ASTN2: variants seen among roughly 807,000 people sequenced by gnomAD.
ASTN2 encodes the protein astrotactin-2.
In ASTN2, 54 loss-of-function variants were observed where a neutral mutation model predicts 139.8. The ratio of observed to expected loss-of-function variants is 0.39; its 90% confidence interval spans 0.31 to 0.48. The LOEUF (loss-of-function observed/expected upper bound fraction) is 0.48. ASTN2 is among the 20% of genes least tolerant of loss of function. The probability of loss-of-function intolerance (pLI) is 0.95; values close to 1 mark genes in which losing one functional copy is unlikely to be tolerated. For missense variants in ASTN2, 1,565 were observed against 1,725.1 expected (o/e 0.91, Z 1.64); for synonymous variants, 756 against 719.5 (o/e 1.05, Z -0.81).
intron 7 of ASTN2, among the ~76,000 whole-genome samples, chr9:116,997,633 C>T (rs1348391033): frequency 6.6e-6 from 1 of 152,182 alleles, no homozygotes; most frequent in African/African-American, 2.4e-5. Flanking sequence ...CTCCTTAAAA[C>T]AGTAGCTTGG....
chr9:116,842,991 C>T (rs904875687), intron 11 of ASTN2, among the ~76,000 whole-genome samples: 2 of 152,120 alleles, frequency 1.3e-5, no homozygotes, highest in Non-Finnish European at 2.9e-5. Flanking sequence ...AGGGTCCAAC[C>T]CTCAGTATCT....
chr9:117,318,951 T>A (rs1487850262), intron 1 of ASTN2, among the ~76,000 whole-genome samples: 1 of 152,202 alleles, frequency 6.6e-6, no homozygotes, highest in Non-Finnish European at 1.5e-5. Flanking sequence ...GAGTTTCAAC[T>A]AGTCACTGCG....
At chr9:117,047,339 T>C (rs1050413571) in intron 5 of ASTN2, among the ~76,000 whole-genome samples, 2 of 152,152 alleles carry the variant, frequency 1.3e-5, no homozygotes, top group African/African-American at 4.8e-5. Flanking sequence ...CACACCTTGG[T>C]CCTTGTCTCT....
At chr9:116,990,167 A>G (rs1476683475) in intron 7 of ASTN2, among the ~76,000 whole-genome samples, 1 of 152,196 alleles carries the variant, frequency 6.6e-6, no homozygotes, top group African/African-American at 2.4e-5. Flanking sequence ...TTCAATATGA[A>G]GATGAAATAA....
intron 10 of ASTN2, among the ~76,000 whole-genome samples, chr9:116,939,874 T>TA (rs1835178767): frequency 6.6e-6 from 1 of 152,192 alleles, no homozygotes; most frequent in African/African-American, 2.4e-5. Context: ...GGTGACCCCA[T>TA]AGCATGACAA....
chr9:116,801,585 CAAAAAAAAAAAAAAAAAA>C (rs397893932), intron 13 of ASTN2, among the ~76,000 whole-genome samples: 1 of 60,364 alleles, frequency 1.7e-5, no homozygotes, highest in Non-Finnish European at 3.0e-5. Context: ...GGCTCTGTCT[CAAAAAAAAAAAAAAAAAA>C]AAAAAAAAAA....
At chr9:116,844,695 A>T (rs2132311588) in intron 11 of ASTN2, among the ~76,000 whole-genome samples, 1 of 152,256 alleles carries the variant, frequency 6.6e-6, no homozygotes, top group South Asian at 2.1e-4. Flanking sequence ...TGCTATTATG[A>T]TTATTATCAC....
chr9:116,773,819 A>T (rs1213121905), intron 13 of ASTN2, among the ~76,000 whole-genome samples: 1 of 152,106 alleles, frequency 6.6e-6, no homozygotes, highest in Non-Finnish European at 1.5e-5. Flanking sequence ...GATTGTAAAG[A>T]CTTTTTTTTC....
chr9:116,968,293 C>A (rs561437680), intron 10 of ASTN2, among the ~76,000 whole-genome samples: 3 of 152,188 alleles, frequency 2.0e-5, no homozygotes, highest in African/African-American at 7.2e-5. Flanking sequence ...GAGGATTGCA[C>A]CTGAAGATGT....
chr9:116,644,319 T>C (rs984841489), intron 17 of ASTN2, among the ~76,000 whole-genome samples: 1 of 152,168 alleles, frequency 6.6e-6, no homozygotes, highest in Non-Finnish European at 1.5e-5. Flanking sequence ...TGACTCTTCC[T>C]AGAGCAGCAT....
chr9:117,063,547 A>G (rs1260816179), intron 5 of ASTN2, among the ~76,000 whole-genome samples: 2 of 152,184 alleles, frequency 1.3e-5, no homozygotes, highest in East Asian at 1.9e-4. Flanking sequence ...CCCCAGCCAC[A>G]TGGAACTGTA....
chr9:116,919,087 G>T (rs2132432764), intron 10 of ASTN2, among the ~76,000 whole-genome samples: 1 of 152,178 alleles, frequency 6.6e-6, no homozygotes, highest in Non-Finnish European at 1.5e-5. Context: ...TCCCACAGAG[G>T]ATGTTTTGCG....
chr9:116,647,626 C>A (rs1312876634), intron 17 of ASTN2, among the ~76,000 whole-genome samples: 6 of 152,128 alleles, frequency 3.9e-5, no homozygotes, highest in Non-Finnish European at 8.8e-5. Flanking sequence ...TGCAAAAGTC[C>A]CGTGGCTTGG....
chr9:116,863,822 C>T (rs1371656186), intron 10 of ASTN2, 89 bp from the exon 11 acceptor site: 11 of 1,312,958 alleles, frequency 8.4e-6, no homozygotes, highest in Non-Finnish European at 1.0e-5. Context: ...CATTTGAAAC[C>T]ATAACTTACT....
intron 12 of ASTN2, among the ~76,000 whole-genome samples, chr9:116,810,147 C>T (rs551794929): frequency 2.6e-4 from 39 of 152,278 alleles, no homozygotes; most frequent in Admixed American, 8.5e-4. Flanking sequence ...GAAAGCTTAT[C>T]TTATCCTAAT....
At chr9:117,385,847 C>A (rs192216683) in intron 1 of ASTN2, among the ~76,000 whole-genome samples, 8 of 152,244 alleles carry the variant, frequency 5.3e-5, no homozygotes, top group African/African-American at 1.2e-4. Flanking sequence ...GTAAAAAATT[C>A]TCTGCACCTA....
chr9:117,293,993 C>A (rs536782408), intron 1 of ASTN2, among the ~76,000 whole-genome samples: 58 of 152,304 alleles, frequency 3.8e-4, no homozygotes, highest in African/African-American at 1.4e-3. Context: ...GAAGGCGGAG[C>A]GAGCAGAGGG....
At chr9:116,578,866 A>C (rs1052579846) in intron 19 of ASTN2, 1 of 152,194 alleles carries the variant, frequency 6.6e-6, no homozygotes, top group Non-Finnish European at 1.5e-5. Flanking sequence ...TGAGCAGCAG[A>C]AAAACAGCCT....
At chr9:116,493,799 G>T (rs535501578) in intron 19 of ASTN2, among the ~76,000 whole-genome samples, 58 of 152,260 alleles carry the variant, frequency 3.8e-4, no homozygotes, top group African/African-American at 1.4e-3. Context: ...GGAGTGGGGG[G>T]ATGTGGGGGT....
Sources: allele counts gnomAD v4.1 joint callset (sites outside exome capture counted in the v4.1 genomes callset), GRCh38; gene constraint gnomAD v4.1.1; transcripts MANE v1.5; gene names NCBI Gene and HGNC (gene_info 2026-07-23, HGNC 2026-07-21).